The following MYO10 variants were observed in gnomAD, a reference collection of about 807,000 sequenced individuals.
MYO10 encodes the protein myosin X.
A neutral mutation model predicts 257.3 loss-of-function variants in MYO10; 133 were observed. That is an observed-to-expected ratio of 0.52 (90% confidence interval 0.45 to 0.60). MYO10 has a LOEUF of 0.60. Ranked by LOEUF, MYO10 falls within the 20% of genes least tolerant of loss-of-function variation. The pLI, the probability that MYO10 is intolerant of heterozygous loss-of-function variation, is 0.00. For synonymous variants in MYO10, 1,104 were observed against 1,028.6 expected (o/e 1.07, Z -1.40); for missense variants, 2,399 against 2,635.7 (o/e 0.91, Z 1.97).
chr5:16,780,933 G>A (rs960430807), intron 6 of MYO10, among the ~76,000 whole-genome samples, 192 bp from the exon 7 acceptor site: 4 of 152,102 alleles, frequency 2.6e-5, no homozygotes, highest in Non-Finnish European at 4.4e-5. Flanking sequence ...TTCCAGGCCT[G>A]ACACATGGTA....
At chr5:16,915,962 GAAAAA>G in intron 1 of MYO10, 2 of 406,222 alleles carry the variant, frequency 4.9e-6, no homozygotes, top group African/African-American at 2.2e-5. Flanking sequence ...ACGTCAAAAA[GAAAAA>G]AAAAAAAAAA....
At chr5:16,721,428 A>C (rs1163594629) in intron 19 of MYO10, among the ~76,000 whole-genome samples, 4 of 152,086 alleles carry the variant, frequency 2.6e-5, no homozygotes, top group Non-Finnish European at 5.9e-5. Flanking sequence ...TGGCGACAAA[A>C]GTCCTTTGTA....
At chr5:16,879,119 C>G (rs1744690694) in intron 1 of MYO10, among the ~76,000 whole-genome samples, 1 of 152,060 alleles carries the variant, frequency 6.6e-6, no homozygotes, top group African/African-American at 2.4e-5. Context: ...AAAATGACAC[C>G]AAGCACATCC....
chr5:16,921,987 G>C (rs964994738), intron 1 of MYO10, among the ~76,000 whole-genome samples: 2 of 152,136 alleles, frequency 1.3e-5, no homozygotes, highest in African/African-American at 4.8e-5. Flanking sequence ...GGCTGAGGCA[G>C]GTGGATCACC....
chr5:16,715,392 ATTTTTTT>A (rs372307063), intron 19 of MYO10, among the ~76,000 whole-genome samples: 2 of 84,340 alleles, frequency 2.4e-5, no homozygotes, highest in Non-Finnish European at 4.2e-5. Context: ...TAAGATTGAA[ATTTTTTT>A]TTTTTTTTTT....
chr5:16,915,791 A>G (rs1395104206), intron 1 of MYO10, among the ~76,000 whole-genome samples: 1 of 152,092 alleles, frequency 6.6e-6, no homozygotes, highest in African/African-American at 2.4e-5. Context: ...CCCAGTCTCC[A>G]ATAAAAATAT....
chr5:16,748,627 AGG>A (rs1560963954), intron 19 of MYO10, among the ~76,000 whole-genome samples: 1,421 of 130,132 alleles, frequency 0.011, 23 homozygotes, highest in African/African-American at 0.039. Flanking sequence ...GGAGAGAGGG[AGG>A]GAGGGAGGGA....
chr5:16,874,344 C>CGGG (rs61697249), intron 2 of MYO10, among the ~76,000 whole-genome samples: 38 of 28,456 alleles, frequency 1.3e-3, no homozygotes, highest in African/African-American at 1.4e-3. Context: ...AAAAAAAAAG[C>CGGG]GGGGGGGGGG....
At chr5:16,889,551 G>A (rs2625169) in intron 1 of MYO10, among the ~76,000 whole-genome samples, 67,166 of 149,850 alleles carry the variant, frequency 0.45, 15,684 homozygotes, top group Admixed American at 0.49. Flanking sequence ...CGAAAGGAAG[G>A]AAAGGAAGGA....
At chr5:16,929,439 G>C (rs1293611955) in intron 1 of MYO10, among the ~76,000 whole-genome samples, 1 of 152,140 alleles carries the variant, frequency 6.6e-6, no homozygotes, top group African/African-American at 2.4e-5. Context: ...TAAGGCAAAG[G>C]ACATCAACAG....
chr5:16,672,115 C>T (rs1423486443), intron 37 of MYO10, among the ~76,000 whole-genome samples: 5 of 152,016 alleles, frequency 3.3e-5, no homozygotes, highest in African/African-American at 9.7e-5. Flanking sequence ...ACCAACATGG[C>T]CAAACCCCAT....
chr5:16,912,324 G>A (rs148805853), intron 1 of MYO10, among the ~76,000 whole-genome samples: 1 of 152,060 alleles, frequency 6.6e-6, no homozygotes, highest in Non-Finnish European at 1.5e-5. Flanking sequence ...CAACTAGAAG[G>A]CCTGGCAACA....
intron 3 of MYO10, among the ~76,000 whole-genome samples, chr5:16,795,636 G>A (rs1741916556): frequency 1.3e-5 from 2 of 152,094 alleles, no homozygotes; most frequent in South Asian, 4.2e-4. Flanking sequence ...ACTTGTGGAT[G>A]CAGAACATTG....
Position 16,666,807 on chromosome 5 carries a change from A to G in MYO10, c.6076-14T>C, listed in dbSNP as rs375258156. 4.8e-5 allele frequency: 76 copies of G among 1,580,860 alleles called. No individual in the cohort carries two copies. In the African/African-American group the frequency reaches 1.0e-3, roughly 21 times the overall value. On this transcript the variant is annotated splice_polypyrimidine_tract_variant and intron_variant, in intron 40 of 40. Transcript: ENST00000513610. ...CACATCCACCACCTGCCCAGGGGGA[A>G]GCAGAACCGACACAGCGTCACAAGT...
intron 19 of MYO10, among the ~76,000 whole-genome samples, chr5:16,748,872 G>A (rs1015491525): frequency 4.7e-4 from 72 of 152,134 alleles, no homozygotes; most frequent in Non-Finnish European, 8.8e-4. Context: ...TGGAAGAGAG[G>A]AATACAGGTC....
intron 19 of MYO10, among the ~76,000 whole-genome samples, chr5:16,724,308 C>A (rs1282964074): frequency 1.1e-4 from 16 of 152,106 alleles, no homozygotes; most frequent in Admixed American, 1.0e-3. Flanking sequence ...TACATGTACA[C>A]TGGAATTAAA....
intron 2 of MYO10, among the ~76,000 whole-genome samples, chr5:16,835,330 C>T (rs550742230): frequency 1.2e-3 from 181 of 150,998 alleles, no homozygotes; most frequent in African/African-American, 4.2e-3. Context: ...GTCAGGAGTT[C>T]GAGATCAGCC....
At chr5:16,850,736 A>T (rs1437103568) in intron 2 of MYO10, among the ~76,000 whole-genome samples, 1 of 148,556 alleles carries the variant, frequency 6.7e-6, no homozygotes, top group East Asian at 2.0e-4. Flanking sequence ...TGATCGCTCT[A>T]AAAAGTTTGG....
intron 21 of MYO10, among the ~76,000 whole-genome samples, chr5:16,710,205 A>G (rs1416412949): frequency 6.6e-6 from 1 of 152,170 alleles, no homozygotes; most frequent in Non-Finnish European, 1.5e-5. Flanking sequence ...GTCAAGTCAC[A>G]TTGCTGTCTT....
Sources: allele counts gnomAD v4.1 joint callset (sites outside exome capture counted in the v4.1 genomes callset), GRCh38; gene constraint gnomAD v4.1.1; transcripts MANE v1.5; gene names NCBI Gene and HGNC (gene_info 2026-07-23, HGNC 2026-07-21).